Variants in SORCS3 observed in about 807,000 individuals in gnomAD.
SORCS3 encodes sortilin related VPS10 domain containing receptor 3, also known as VPS10 domain-containing receptor SorCS3.
SORCS3 carries 57 observed loss-of-function variants against 146.3 expected under a neutral mutation model. That is an observed-to-expected ratio of 0.39 (90% CI 0.31 to 0.49). SORCS3 has a LOEUF of 0.49. Among genes scored for constraint, SORCS3 ranks in the 20% least tolerant of loss-of-function variants. SORCS3 has a pLI of 0.92. For missense variants in SORCS3, 1,341 were observed against 1,575.5 expected, an observed-to-expected ratio of 0.85 and a Z score of 2.52; for synonymous variants, 653 against 618.5, an observed-to-expected ratio of 1.06 and a Z score of -0.83.
chr10:105,166,696 C>G (rs2056316339), intron 12 of SORCS3, among the ~76,000 whole-genome samples: 1 of 152,084 alleles, frequency 6.6e-6, no homozygotes, highest in South Asian at 2.1e-4. Flanking sequence ...TCAATGACCA[C>G]TTAGAGTAGG....
At chr10:104,855,926 G>T (rs2018325835) in intron 2 of SORCS3, among the ~76,000 whole-genome samples, 1 of 152,036 alleles carries the variant, frequency 6.6e-6, no homozygotes, top group South Asian at 2.1e-4. Flanking sequence ...TGTAGAGATG[G>T]AGCCTTGCCA....
At chr10:105,074,587 A>G (rs752905830) in intron 5 of SORCS3, among the ~76,000 whole-genome samples, 1 of 152,216 alleles carries the variant, frequency 6.6e-6, no homozygotes, top group Admixed American at 6.5e-5. Context: ...ATCTCTAGCT[A>G]TCGTTACATT....
intron 1 of SORCS3, among the ~76,000 whole-genome samples, chr10:104,770,682 C>T (rs2491366): frequency 0.98 from 147,639 of 151,206 alleles, 72,084 homozygotes; most frequent in East Asian, 1. Flanking sequence ...TATATATATA[C>T]ATAGGCTGGG....
intron 1 of SORCS3, among the ~76,000 whole-genome samples, chr10:104,804,685 A>C (rs1347532533): frequency 6.6e-6 from 1 of 152,176 alleles, no homozygotes; most frequent in Non-Finnish European, 1.5e-5. Flanking sequence ...ATTTATTTTG[A>C]AAGTTGATAT....
At chr10:105,211,877 C>T (rs1484499154) in intron 17 of SORCS3, among the ~76,000 whole-genome samples, 3 of 152,204 alleles carry the variant, frequency 2.0e-5, no homozygotes, top group African/African-American at 7.2e-5. Flanking sequence ...GACAGCACCT[C>T]TCAAATGTTA....
At chr10:105,029,929 G>GACCC (rs2055253696) in intron 4 of SORCS3, among the ~76,000 whole-genome samples, 1 of 152,144 alleles carries the variant, frequency 6.6e-6, no homozygotes, top group African/African-American at 2.4e-5. Flanking sequence ...TTCTATTCCT[G>GACCC]ACCCACTGAA....
chr10:105,192,675 G>T (rs2056523132), intron 14 of SORCS3, among the ~76,000 whole-genome samples: 1 of 152,166 alleles, frequency 6.6e-6, no homozygotes, highest in African/African-American at 2.4e-5. Flanking sequence ...TAGTCAGCCT[G>T]CAGTGAAGTC....
At chr10:104,753,593 T>A (rs745663483) in intron 1 of SORCS3, among the ~76,000 whole-genome samples, 39 of 152,230 alleles carry the variant, frequency 2.6e-4, no homozygotes, top group Non-Finnish European at 2.8e-4. Context: ...ATGATTAACT[T>A]TGATAATAGA....
chr10:105,214,481 A>T lies in SORCS3; in HGVS notation c.2415A>T (p.Leu805=). ...TGTCCAACAACTGCACAGATGGGCT[A>T]AGGGAGAAGTACACCGCCAAGGCCC... The part of the protein sequence containing the change: ...RIVSNNCTDG[L]REKYTAKAQM... Residue 805 remains leucine (L), a synonymous_variant, in exon 18 of 27, where the codon CTA becomes CTT. Coordinates refer to ENST00000369701, the MANE Select transcript of SORCS3 (RefSeq NM_014978.3). 1 of 1,614,200 alleles carries T rather than the reference A, an allele frequency of 6.2e-7. No homozygotes were observed. The highest frequency in any genetic ancestry group is 1.1e-5 in the South Asian group (1 of 91,090).
chr10:104,899,187 A>G (rs1279730977), intron 2 of SORCS3, among the ~76,000 whole-genome samples: 1 of 152,240 alleles, frequency 6.6e-6, no homozygotes, highest in African/African-American at 2.4e-5. Flanking sequence ...CTGATATTTC[A>G]GAGGAAATAT....
chr10:104,953,937 T>A (rs2019460247), intron 3 of SORCS3, among the ~76,000 whole-genome samples: 1 of 152,162 alleles, frequency 6.6e-6, no homozygotes, highest in African/African-American at 2.4e-5. Context: ...GGACTCAGCA[T>A]TGGAAACAGT....
chr10:105,149,881 A>G (rs538103359), intron 9 of SORCS3, among the ~76,000 whole-genome samples: 1 of 152,258 alleles, frequency 6.6e-6, no homozygotes, highest in East Asian at 1.9e-4. Context: ...AGATCCATGC[A>G]ATTTTTTTCT....
At chr10:104,663,451 AGACTTC>A (rs1347513872) in intron 1 of SORCS3, among the ~76,000 whole-genome samples, 2 of 152,276 alleles carry the variant, frequency 1.3e-5, no homozygotes, top group East Asian at 3.9e-4. Flanking sequence ...AAGTTGAAAG[AGACTTC>A]GAAGGCCATT....
chr10:104,646,882 T>G lies in SORCS3; in HGVS notation c.627+4928T>G, dbSNP rs7911135. ...CTAACCAAGTTTATTCTCCTGGTGT[T>G]GTGGGTAACTGAGAAAAGGCTCTGG... is the stretch of plus-strand genomic sequence containing the variant. On this transcript the variant is annotated intron_variant, in intron 1 of 26. Transcript: ENST00000369701. Among the ~76,000 whole-genome samples, 751 of 152,188 alleles carry G rather than the reference T, an allele frequency of 4.9e-3. 5 individuals are homozygous for G. The highest frequency in any genetic ancestry group is 0.017 in the African/African-American group (721 of 41,524).
chr10:105,164,511 T>C, intron 12 of SORCS3, 132 bp downstream of exon 12: 1 of 723,472 alleles, frequency 1.4e-6, no homozygotes, highest in Non-Finnish European at 2.4e-6. Flanking sequence ...CTGTTCAGTT[T>C]GGTCAATTTG....
chr10:104,686,462 A>G (rs960955717), intron 1 of SORCS3, among the ~76,000 whole-genome samples: 2 of 152,098 alleles, frequency 1.3e-5, no homozygotes, highest in African/African-American at 4.8e-5. Flanking sequence ...TAAAGTAACA[A>G]CCAATCGTCG....
chr10:105,044,276 G>A (rs1336040195), intron 5 of SORCS3, among the ~76,000 whole-genome samples: 2 of 152,074 alleles, frequency 1.3e-5, no homozygotes, highest in African/African-American at 4.8e-5. Flanking sequence ...AGGCTGAGAT[G>A]CAGTGATCAC....
At chr10:105,113,952 G>A (rs1322760233) in intron 7 of SORCS3, among the ~76,000 whole-genome samples, 1 of 152,152 alleles carries the variant, frequency 6.6e-6, no homozygotes, top group Non-Finnish European at 1.5e-5. Context: ...GTTGATTTCT[G>A]TGTTCTGAGC....
chr10:104,818,404 CTT>C (rs1465619156), intron 1 of SORCS3, among the ~76,000 whole-genome samples: 5 of 150,134 alleles, frequency 3.3e-5, no homozygotes, highest in Admixed American at 3.3e-4. Context: ...TTCCTTCCTT[CTT>C]TCTCTCTTTT....
Sources: gnomAD v4.1 joint callset for allele counts (sites outside exome capture counted in the v4.1 genomes callset) on GRCh38, gnomAD v4.1.1 for gene constraint, MANE v1.5 for transcripts, NCBI Gene and HGNC (gene_info 2026-07-23, HGNC 2026-07-21) for gene names.